Variants in TAF5 observed in about 807,000 individuals in gnomAD.
TAF5 encodes TATA-box binding protein associated factor 5.
A neutral mutation model predicts 80.9 loss-of-function variants in TAF5; 20 were observed. The ratio of observed to expected loss-of-function variants is 0.25; its 90% CI spans 0.17 to 0.36. The LOEUF (loss-of-function observed/expected upper bound fraction) is 0.36. TAF5 is among the 10% of genes least tolerant of loss of function. The pLI is 1.00. For missense variants in TAF5, 863 were observed against 1,029.4 expected (o/e 0.84, Z 2.21); for synonymous variants, 388 against 406.4 (o/e 0.95, Z 0.55).
At chr10:103,382,388 G>A (rs564667709) in intron 6 of TAF5, among the ~76,000 whole-genome samples, 2 of 151,558 alleles carry the variant, frequency 1.3e-5, no homozygotes, top group Non-Finnish European at 2.9e-5. Flanking sequence ...CCATGCCCAG[G>A]TAATTTTTGT....
rs1564744825 is a variant in TAF5 at position 103,378,375 on chromosome 10, C to T, written c.938C>T (p.Ser313Leu). ...SKFVLRISRD[S>L]YQLLKRHLQE... is the part of the protein sequence containing the mutation. ...TTTGTTCTGCGTATTTCCCGTGACT[C>T]GTACCAACTCTTGAAGAGGCATCTT... The change falls in exon 3 of 11, where the codon TCG (serine) becomes TTG (leucine). Residue 313 changes from serine to leucine, a missense_variant. By Grantham distance (145) the Ser-to-Leu change is moderately radical. Coordinates refer to ENST00000369839, the MANE Select transcript of TAF5 (RefSeq NM_006951.5). The surrounding 1 kb of genome is among the most constrained non-coding windows in gnomAD (Gnocchi z 4.1). 4 of 1,613,964 alleles carry T rather than the reference C, an allele frequency of 2.5e-6. No individual in the cohort carries two copies. The highest frequency in any genetic ancestry group is 1.3e-5 in the African/African-American group (1 of 74,870).
chr10:103,388,198 C>G lies in TAF5; in HGVS notation c.2378C>G (p.Ala793Gly), dbSNP rs1015743251. 1.2e-6 allele frequency: 2 copies of G among 1,613,906 alleles called. No homozygotes were observed. Among genetic ancestry groups the G allele is most frequent in the Admixed American group, 3.3e-5 (2 of 60,024 alleles). ...LHFTRRNLVLAAGAYSPQ is the reference protein window; with the variant it reads ...LHFTRRNLVLGAGAYSPQ ...TTTACTCGAAGAAACCTGGTTCTAG[C>G]TGCAGGAGCTTATAGTCCACAATAA... Residue 793 changes from alanine (A) to glycine (G), a missense_variant, in exon 11 of 11, where the codon GCT (alanine) becomes GGT (glycine). By Grantham distance (60) the Ala-to-Gly change is moderately conservative. Around this residue, in one of 3 missense-constraint regions of TAF5, gnomAD observed 368 missense variants for 461.7 expected, o/e 0.80. Transcript: ENST00000369839.
rs2093403156 is a variant in TAF5, at chr10:103,388,439, C to G, written c.*216C>G. 1 of 457,840 alleles carries G rather than the reference C, an allele frequency of 2.2e-6. No homozygotes were observed. Among genetic ancestry groups the G allele is most frequent in the African/African-American group, 2.0e-5 (1 of 51,042 alleles). The allele number at this position is 457,840 out of a possible 1,614,324, so 28.4% of individuals were successfully genotyped here. A position where few individuals can be genotyped will look rare whatever the true frequency, so the allele number is the denominator to read the frequency against. On this transcript the variant is annotated 3_prime_UTR_variant, in exon 11 of 11. Transcript: ENST00000369839. ...TTAGTTGAATAAGAGGTATTATGAT[C>G]ATGGAGGGGACATTTATGGTGCTTT...
intron 7 of TAF5, among the ~76,000 whole-genome samples, chr10:103,383,674 G>C (rs1312723548): frequency 6.6e-6 from 1 of 151,484 alleles, no homozygotes; most frequent in Non-Finnish European, 1.5e-5. Context: ...CGCCTCCTGG[G>C]TTCAAGCGAT....
At chr10:103,372,680 G>A (rs2093362339) in intron 1 of TAF5, among the ~76,000 whole-genome samples, 3 of 150,666 alleles carry the variant, frequency 2.0e-5, no homozygotes, top group African/African-American at 7.3e-5. Context: ...TGGATCACTT[G>A]TGGTCAGGAG....
intron 6 of TAF5, 41 bp from the exon 7 acceptor site, chr10:103,383,197 G>A: frequency 6.7e-7 from 1 of 1,503,366 alleles, no homozygotes; most frequent in African/African-American, 1.4e-5. Context: ...AAGTTTTGAT[G>A]AATGTACTTA....
At position 103,387,673 on chromosome 10, in the gene TAF5, T is replaced by C; in HGVS notation, c.2160T>C (p.Ser720=). Residue 720 remains serine (S), a synonymous_variant, in exon 10 of 11, where the codon AGT becomes AGC. Coordinates refer to ENST00000369839, the MANE Select transcript of TAF5 (RefSeq NM_006951.5). ...HTDTVCSLRF[S]RDGEILASGS... is the part of the protein sequence containing the mutation. ...ATACAGTCTGTTCACTTAGGTTTAG[T>C]AGAGATGGTGAAATTTTGGCATCAG... is the stretch of plus-strand genomic sequence containing the variant. 9.9e-6 allele frequency: 16 copies of C among 1,611,494 alleles called. No homozygotes were observed. Among genetic ancestry groups the C allele is most frequent in the Admixed American group, 1.7e-5 (1 of 58,880 alleles).
rs1397843082 is a variant in TAF5, at chr10:103,389,060, T to C, written c.*837T>C. 1.3e-5 allele frequency: 2 copies of C among 152,676 alleles called. No homozygotes were observed. The highest frequency in any genetic ancestry group is 2.9e-5 in the Non-Finnish European group (2 of 68,042). 9.5% of individuals were successfully genotyped at this position (152,676 alleles called of 1,614,324 possible). A position where few individuals can be genotyped will look rare whatever the true frequency, so the allele number is the denominator to read the frequency against. On this transcript the variant is annotated 3_prime_UTR_variant, in exon 11 of 11. Transcript: ENST00000369839. ...ATAAAGACAACCAGCTTTTCCAGGT[T>C]CATAATTTATTGTACAAATTGAATT...
chr10:103,387,885 G>A (rs1592097465), intron 10 of TAF5, 121 bp from the exon 11 acceptor site: 8 of 1,130,852 alleles, frequency 7.1e-6, no homozygotes, highest in Non-Finnish European at 1.0e-5. Flanking sequence ...AAGGAATAGA[G>A]TTATTGGTCA....
At position 103,383,242 on chromosome 10, in the gene TAF5, T is replaced by C; in HGVS notation, c.1539T>C (p.Leu513=). The C allele has an allele frequency of 6.4e-7, 1 of 1,572,584 alleles. No homozygotes were observed. Among genetic ancestry groups the C allele is most frequent in the Non-Finnish European group, 8.6e-7 (1 of 1,166,446 alleles). The stretch of plus-strand genomic sequence containing the variant: ...AATATTTCTGGACCATTTTAGATCT[T>C]AGTCTTATAGACAAAGAATCAGATG... ...KLRSVKQASD[L]SLIDKESDDV... is the part of the protein sequence containing the mutation. Residue 513 remains leucine (L), a synonymous_variant, in exon 7 of 11, where the codon CTT becomes CTC. Coordinates refer to ENST00000369839, the MANE Select transcript of TAF5 (RefSeq NM_006951.5).
rs774873920 is a variant in TAF5 at position 103,388,098 on chromosome 10, A to C, written c.2278A>C (p.Asn760His). Residue 760 changes from asparagine to histidine, a missense_variant, in exon 11 of 11, where the codon AAT becomes CAT. Physicochemically the swap from Asn to His is moderately conservative, Grantham distance 68 (BLOSUM62 1). Around this residue, in one of 3 missense-constraint regions of TAF5, gnomAD observed 368 missense variants for 461.7 expected, o/e 0.80. Coordinates refer to ENST00000369839, the MANE Select transcript of TAF5 (RefSeq NM_006951.5). ...CTTTACTACAGCCACTGGGCATATA[A>C]ATTTACCTGAGAATTCACAGGAGTT... is the stretch of plus-strand genomic sequence containing the variant. ...DDFTTATGHINLPENSQELLL... is the reference protein window; with the variant it reads ...DDFTTATGHIHLPENSQELLL... 1.2e-6 allele frequency: 2 copies of C among 1,614,092 alleles called. No individual in the cohort carries two copies. Among genetic ancestry groups the C allele is most frequent in the Admixed American group, 1.7e-5 (1 of 60,028 alleles).
chr10:103,387,621 T>C lies in TAF5; in HGVS notation c.2108T>C (p.Met703Thr). 6.2e-7 allele frequency: 1 copy of C among 1,614,138 alleles called. No homozygotes were observed. The highest frequency in any genetic ancestry group is 8.5e-7 in the Non-Finnish European group (1 of 1,180,018). Residue 703 changes from methionine to threonine, a missense_variant, in exon 10 of 11, where the codon ATG becomes ACG. Coordinates refer to ENST00000369839, the MANE Select transcript of TAF5 (RefSeq NM_006951.5). ...CTTTGGGATATTGGACATGGTTTGA[T>C]GGTTGGAGAATTAAAAGGCCACACT... ...VLLWDIGHGLMVGELKGHTDT... is the reference protein window; with the variant it reads ...VLLWDIGHGLTVGELKGHTDT...
At chr10:103,372,839 T>C (rs1053953222) in intron 1 of TAF5, among the ~76,000 whole-genome samples, 2 of 149,696 alleles carry the variant, frequency 1.3e-5, no homozygotes, top group Non-Finnish European at 3.0e-5. Flanking sequence ...GAGGTTGCAG[T>C]GAGCCGAGAT....
At position 103,373,456 on chromosome 10, in the gene TAF5, G is replaced by A; in HGVS notation, c.658G>A (p.Gly220Arg). 1 of 1,614,164 alleles carries A rather than the reference G, an allele frequency of 6.2e-7. No individual in the cohort carries two copies. The highest frequency in any genetic ancestry group is 8.5e-7 in the Non-Finnish European group (1 of 1,180,046). ...DPTMYEEYYSGLKHFIECSLD... is the reference protein window; with the variant it reads ...DPTMYEEYYSRLKHFIECSLD... ...CACAATGTATGAAGAATACTATAGT[G>A]GACTGAAACACTTCATTGAATGTTC... Residue 220 changes from glycine to arginine, a missense_variant, in exon 2 of 11, where the codon GGA becomes AGA. Transcript: ENST00000369839.
intron 1 of TAF5, among the ~76,000 whole-genome samples, chr10:103,373,117 C>T (rs1021959110): frequency 1.3e-5 from 2 of 151,044 alleles, no homozygotes; most frequent in South Asian, 2.1e-4. Flanking sequence ...GCAAGACACT[C>T]GCCTGCGAGG....
In TAF5 at chr10:103,387,349, C is replaced by T. The variant is rs768989197; in HGVS notation, c.2004C>T (p.His668=). ...ACTGTGTAAGGATCTTCACTGGACA[C>T]AAGGTATTTTACACTCTTACTATTC... ...NGNCVRIFTG[H]KGPIHSLTFS... The change falls in exon 9 of 11, where the codon CAC becomes CAT. Residue 668 remains histidine (H), a synonymous_variant. Coordinates refer to ENST00000369839, the MANE Select transcript of TAF5 (RefSeq NM_006951.5). 10 of 1,609,534 alleles carry T rather than the reference C, an allele frequency of 6.2e-6. No individual in the cohort carries two copies. In the South Asian group the frequency reaches 6.6e-5, roughly 11 times the overall value.
intron 2 of TAF5, among the ~76,000 whole-genome samples, chr10:103,375,196 T>A (rs1013068571): frequency 6.7e-6 from 1 of 150,018 alleles, no homozygotes; most frequent in African/African-American, 2.5e-5. Flanking sequence ...GGAGCAGGAA[T>A]ACTAAATGTT....
intron 10 of TAF5, 64 bp from the exon 11 acceptor site, chr10:103,387,942 G>A: frequency 2.0e-6 from 3 of 1,470,820 alleles, no homozygotes; most frequent in Non-Finnish European, 1.9e-6. Context: ...ATAGTGTAGT[G>A]GACAAAATGT....
chr10:103,387,158 C>T lies in TAF5; in HGVS notation c.1830-17C>T, dbSNP rs926366340. 3.1e-6 allele frequency: 5 copies of T among 1,595,134 alleles called. No homozygotes were observed. Among genetic ancestry groups the T allele is most frequent in the Admixed American group, 3.5e-5 (2 of 56,406 alleles). On this transcript the variant is annotated splice_polypyrimidine_tract_variant and intron_variant, in intron 8 of 10. Transcript: ENST00000369839. ...TCTACTAATTGTCATCTTTTGCTTTCAATAACTTTATAAAAGGCTCTGGGC... is the reference window on the plus strand; with the variant it reads ...TCTACTAATTGTCATCTTTTGCTTTTAATAACTTTATAAAAGGCTCTGGGC...
Sources: gnomAD v4.1 joint callset for allele counts (sites outside exome capture counted in the v4.1 genomes callset) on GRCh38, gnomAD v4.1.1 for gene constraint, gnomAD v4.1.1 regional missense constraint, Gnocchi (gnomAD v3.1) non-coding constraint, MANE v1.5 for transcripts, NCBI Gene and HGNC (gene_info 2026-07-23, HGNC 2026-07-21) for gene names.